The following MSRB3 variants were observed in gnomAD, a reference collection of about 807,000 sequenced individuals.
The protein encoded by MSRB3 is methionine-R-sulfoxide reductase B3.
Under a neutral mutation model 21.0 loss-of-function variants are expected in MSRB3, and 13 were observed. The observed-to-expected ratio is 0.62, with a 90% CI of 0.40 to 0.98. MSRB3 has a LOEUF of 0.98. Among genes scored for constraint, MSRB3 ranks in the 50% least tolerant of loss-of-function variants. MSRB3 has a pLI of 0.00. For missense variants in MSRB3, 199 were observed against 230.3 expected, an observed-to-expected ratio of 0.86 and a Z score of 0.88; for synonymous variants, 87 against 88.6, an observed-to-expected ratio of 0.98 and a Z score of 0.10.
chr12:65,378,669 AG>A (rs1261788843), intron 5 of MSRB3, among the ~76,000 whole-genome samples: 1 of 152,232 alleles, frequency 6.6e-6, no homozygotes, highest in Non-Finnish European at 1.5e-5. Flanking sequence ...TTTTGTGTCT[AG>A]TATCTGGCTA....
chr12:65,411,476 A>G lies in MSRB3; in HGVS notation c.293-42252A>G, dbSNP rs934317410. Among the ~76,000 whole-genome samples the G allele has an allele frequency of 3.3e-4, 50 of 152,182 alleles. 1 individual carries two copies. Among genetic ancestry groups the G allele is most frequent in the African/African-American group, 2.4e-5 (1 of 41,444 alleles). On this transcript the variant is annotated intron_variant, in intron 5 of 6. Transcript: ENST00000308259. ...CTCCTTTTTAAAACCTCACAAGTAG[A>G]AAGGAATGTAAAATTTGTACTCTTT...
chr12:65,293,006 G>A (rs73318424), intron 1 of MSRB3, among the ~76,000 whole-genome samples: 6,237 of 152,164 alleles, frequency 0.041, 247 homozygotes, highest in African/African-American at 0.097. Context: ...AGAATTCCAT[G>A]TATTCATTTG....
At chr12:65,354,270 C>T (rs1056750428) in intron 4 of MSRB3, among the ~76,000 whole-genome samples, 4 of 151,940 alleles carry the variant, frequency 2.6e-5, no homozygotes, top group Non-Finnish European at 4.4e-5. Context: ...TGAATGTTGG[C>T]GTGCCCTGCT....
At chr12:65,310,977 C>A (rs183748429) in intron 2 of MSRB3, among the ~76,000 whole-genome samples, 7 of 152,320 alleles carry the variant, frequency 4.6e-5, no homozygotes, top group Admixed American at 2.0e-4. Context: ...ATTTAGTAAA[C>A]ACCATATATG....
intron 2 of MSRB3, among the ~76,000 whole-genome samples, chr12:65,316,618 A>G (rs1357885068): frequency 6.6e-6 from 1 of 152,212 alleles, no homozygotes; most frequent in African/African-American, 2.4e-5. Flanking sequence ...ATATATCAAA[A>G]TAATGTCACA....
In MSRB3 at chr12:65,278,742, C is replaced by A. The variant is rs1386824285; in HGVS notation, c.-175C>A. Reference sequence around the variant, plus strand: ...GGGGAGGGAGGGAGCGAGGTTCGGACACCGGCGGCGGCTGCCTGGCCTTTC... The same window carrying A: ...GGGGAGGGAGGGAGCGAGGTTCGGAAACCGGCGGCGGCTGCCTGGCCTTTC... On this transcript the variant is annotated 5_prime_UTR_variant, in exon 1 of 7. Coordinates refer to ENST00000308259, the MANE Select transcript of MSRB3 (RefSeq NM_001031679.3). 1 of 1,568,494 alleles carries A rather than the reference C, an allele frequency of 6.4e-7. No individual in the cohort carries two copies. Among genetic ancestry groups the A allele is most frequent in the South Asian group, 1.2e-5 (1 of 85,820 alleles).
At chr12:65,354,444 A>T (rs1261761373) in intron 4 of MSRB3, among the ~76,000 whole-genome samples, 1 of 151,608 alleles carries the variant, frequency 6.6e-6, no homozygotes, top group Non-Finnish European at 1.5e-5. Flanking sequence ...TTTTTCTCTA[A>T]ACTTCTCTTC....
At chr12:65,376,923 T>C (rs993228157) in intron 5 of MSRB3, among the ~76,000 whole-genome samples, 1 of 152,212 alleles carries the variant, frequency 6.6e-6, no homozygotes, top group Admixed American at 6.5e-5. Flanking sequence ...TTACCACCTG[T>C]AAATACAAGT....
At chr12:65,351,703 G>C (rs1252454450) in intron 4 of MSRB3, among the ~76,000 whole-genome samples, 29 of 149,936 alleles carry the variant, frequency 1.9e-4, no homozygotes, top group East Asian at 5.8e-4. Context: ...AAATAAACTA[G>C]AAAATCTAGA....
intron 5 of MSRB3, among the ~76,000 whole-genome samples, chr12:65,398,388 G>C (rs1879932648): frequency 6.6e-6 from 1 of 151,990 alleles, no homozygotes; most frequent in Admixed American, 6.6e-5. Context: ...TCATATGTTT[G>C]TTGGCCGCAT....
At chr12:65,342,600 C>T (rs1876215779) in intron 4 of MSRB3, among the ~76,000 whole-genome samples, 1 of 151,840 alleles carries the variant, frequency 6.6e-6, no homozygotes, top group Admixed American at 6.6e-5. Flanking sequence ...TTCTGCATGC[C>T]ATAGGTCTAG....
At chr12:65,391,796 A>G (rs536663115) in intron 5 of MSRB3, among the ~76,000 whole-genome samples, 4 of 152,290 alleles carry the variant, frequency 2.6e-5, no homozygotes, top group East Asian at 1.9e-4. Flanking sequence ...AGAGTTATCA[A>G]TATAATTGTT....
In MSRB3 at chr12:65,396,415, G is replaced by A. The variant is rs192588192; in HGVS notation, c.292+27389G>A. Among the ~76,000 whole-genome samples the A allele has an allele frequency of 6.5e-4, 99 of 152,274 alleles. 1 individual carries two copies. Among genetic ancestry groups the A allele is most frequent in the Non-Finnish European group, 1.0e-3 (70 of 68,024 alleles). The stretch of plus-strand genomic sequence containing the variant: ...AGTTAAGATGTGTTTTATGGGCTGG[G>A]TGCAGTGGCTCACGCCAATAATCCC... On this transcript the variant is annotated intron_variant, in intron 5 of 6. Transcript: ENST00000308259.
chr12:65,460,539 A>T (rs1312696351), intron 6 of MSRB3, among the ~76,000 whole-genome samples: 1 of 152,154 alleles, frequency 6.6e-6, no homozygotes, highest in African/African-American at 2.4e-5. Flanking sequence ...ATGTTTTGAG[A>T]TGATGCTCTT....
chr12:65,299,644 T>C (rs1418508378), intron 1 of MSRB3, among the ~76,000 whole-genome samples: 1 of 152,180 alleles, frequency 6.6e-6, no homozygotes, highest in East Asian at 1.9e-4. Context: ...GGGGGTTCTA[T>C]TACTAATAAG....
At chr12:65,331,453 G>A (rs1282392553) in intron 4 of MSRB3, among the ~76,000 whole-genome samples, 1 of 152,168 alleles carries the variant, frequency 6.6e-6, no homozygotes, top group Non-Finnish European at 1.5e-5. Flanking sequence ...GTTGGAGAGG[G>A]CATGGCTGTT....
intron 1 of MSRB3, among the ~76,000 whole-genome samples, chr12:65,296,470 G>T (rs982328720): frequency 1.4e-4 from 21 of 152,322 alleles, no homozygotes; most frequent in Non-Finnish European, 2.5e-4. Context: ...TACATGTTAT[G>T]ATCTACATTA....
At chr12:65,435,570 A>C (rs914697807) in intron 5 of MSRB3, among the ~76,000 whole-genome samples, 2 of 152,000 alleles carry the variant, frequency 1.3e-5, no homozygotes, top group South Asian at 4.1e-4. Context: ...AAGTTTCTTA[A>C]AATTTGTACA....
At chr12:65,436,801 C>G (rs1380290075) in intron 5 of MSRB3, among the ~76,000 whole-genome samples, 2 of 151,902 alleles carry the variant, frequency 1.3e-5, no homozygotes, top group African/African-American at 4.8e-5. Flanking sequence ...CTTGTCAACT[C>G]TCTGAGCTGC....
Sources: allele counts gnomAD v4.1 joint callset (sites outside exome capture counted in the v4.1 genomes callset), GRCh38; gene constraint gnomAD v4.1.1; transcripts MANE v1.5; gene names NCBI Gene and HGNC (gene_info 2026-07-23, HGNC 2026-07-21).